PRPSAP1: variants seen among roughly 807,000 people sequenced by gnomAD.
PRPSAP1 encodes the protein phosphoribosyl pyrophosphate synthase-associated protein 1.
A neutral mutation model predicts 39.4 loss-of-function variants in PRPSAP1; 31 were observed. The ratio of observed to expected loss-of-function variants is 0.79; its 90% confidence interval spans 0.59 to 1.06. The LOEUF is 1.06. Among genes scored for constraint, PRPSAP1 ranks in the 50% least tolerant of loss-of-function variants. The pLI, the probability that PRPSAP1 is intolerant of heterozygous loss-of-function variation, is 0.00. For synonymous variants in PRPSAP1, 212 were observed against 192.6 expected (o/e 1.10, Z -0.83); for missense variants, 430 against 511.6 (o/e 0.84, Z 1.54).
intron 7 of PRPSAP1, among the ~76,000 whole-genome samples, chr17:76,322,273 G>A (rs2071206175): frequency 6.6e-6 from 1 of 152,100 alleles, no homozygotes; most frequent in Non-Finnish European, 1.5e-5. Context: ...GTGTACGCCT[G>A]TAATCCCAGC....
intron 3 of PRPSAP1, among the ~76,000 whole-genome samples, chr17:76,332,954 G>T (rs1467596331): frequency 6.6e-6 from 1 of 151,114 alleles, no homozygotes; most frequent in Non-Finnish European, 1.5e-5. Context: ...GCAGTGGCGC[G>T]ATCTCAGCTC....
intron 3 of PRPSAP1, among the ~76,000 whole-genome samples, chr17:76,340,376 C>CT (rs1464811808): frequency 6.6e-6 from 1 of 151,656 alleles, no homozygotes; most frequent in Non-Finnish European, 1.5e-5. Context: ...CTTCATGCTT[C>CT]TTTTGTCCCT....
rs1011933499 is a variant in PRPSAP1 at position 76,340,584 on chromosome 17, C to T, written c.290+4087G>A. 4.8e-4 allele frequency among the ~76,000 whole-genome samples: 73 copies of T among 151,834 alleles called. 2 individuals carry two copies. The highest frequency in any genetic ancestry group is 1.7e-3 in the African/African-American group (68 of 41,150). Reference sequence around the variant, plus strand: ...ACTAACAATATGCTGTTTCTATGCTCGACTAGTTTGAAATAACCATGAACG... The same window carrying T: ...ACTAACAATATGCTGTTTCTATGCTTGACTAGTTTGAAATAACCATGAACG... On this transcript the variant is annotated intron_variant, in intron 3 of 9. Coordinates refer to ENST00000446526, the MANE Select transcript of PRPSAP1 (RefSeq NM_002766.3).
At chr17:76,347,214 C>G (rs1026882475) in intron 2 of PRPSAP1, among the ~76,000 whole-genome samples, 1 of 151,502 alleles carries the variant, frequency 6.6e-6, no homozygotes, top group South Asian at 2.1e-4. Context: ...GGGCCGGGCG[C>G]GGTGGCTCAT....
rs1398966011 is a variant in PRPSAP1 at position 76,338,634 on chromosome 17, C to T, written c.290+6037G>A. ...AGGAGAATTGCTTGAACCCAGGAGG[C>T]AGAAGTTGCAGTAAGCCGAGATTGT... On this transcript the variant is annotated intron_variant, in intron 3 of 9. Transcript: ENST00000446526. Among the ~76,000 whole-genome samples the T allele has an allele frequency of 2.0e-5, 3 of 152,006 alleles. No individual in the cohort carries two copies. The East Asian group carries it at 5.8e-4, about 29-fold the overall frequency.
chr17:76,332,470 T>G lies in PRPSAP1; in HGVS notation c.291-35A>C. 3 of 1,609,702 alleles carry G rather than the reference T, an allele frequency of 1.9e-6. No homozygotes were observed. In the South Asian group the frequency reaches 3.3e-5, roughly 18 times the overall value. ...TCAAAGTTTGTATTTGGGGATTAAT[T>G]CCATGTATCAACCCTAGAAAAGATC... On this transcript the variant is annotated intron_variant, in intron 3 of 9. Transcript: ENST00000446526.
intron 1 of PRPSAP1, chr17:76,353,329 G>A (rs1598548384): frequency 1.8e-6 from 1 of 544,452 alleles, no homozygotes; most frequent in African/African-American, 2.0e-5. Context: ...TGAGGTCACC[G>A]AGAGTCCGCC....
At chr17:76,347,109 G>A (rs145264909) in intron 2 of PRPSAP1, among the ~76,000 whole-genome samples, 1 of 152,036 alleles carries the variant, frequency 6.6e-6, no homozygotes, top group East Asian at 1.9e-4. Context: ...AGAACGAGCA[G>A]CGCAGAAGGG....
At chr17:76,339,287 C>A (rs188495601) in intron 3 of PRPSAP1, among the ~76,000 whole-genome samples, 9 of 151,470 alleles carry the variant, frequency 5.9e-5, no homozygotes, top group Non-Finnish European at 1.3e-4. Flanking sequence ...CGCCTATAAT[C>A]CCAGCTACTC....
rs1032562191 is a variant in PRPSAP1 at position 76,344,322 on chromosome 17, G to A, written c.290+349C>T. The stretch of plus-strand genomic sequence containing the variant: ...TTTTTGTATTTTTTAGTGGAGACGG[G>A]GTTTCACCATGTTAGCCAGGATGGT... On this transcript the variant is annotated intron_variant, in intron 3 of 9. Coordinates refer to ENST00000446526, the MANE Select transcript of PRPSAP1 (RefSeq NM_002766.3). 5.9e-5 allele frequency among the ~76,000 whole-genome samples: 9 copies of A among 152,162 alleles called. No individual in the cohort carries two copies. The East Asian group carries it at 1.5e-3, about 26-fold the overall frequency.
rs191303929 is a variant in PRPSAP1, at chr17:76,340,142, T to C, written c.290+4529A>G. On this transcript the variant is annotated intron_variant, in intron 3 of 9. Transcript: ENST00000446526. ...GCCTGTGTGACAGAGCAAGGCCTTG[T>C]CTCAAAAAAAAAAAAAAAAAAAGAA... 6.1e-3 allele frequency among the ~76,000 whole-genome samples: 738 copies of C among 121,622 alleles called. 9 individuals are homozygous for C. The highest frequency in any genetic ancestry group is 0.036 in the Admixed American group (431 of 12,072). The allele number at this position is 121,622 out of a possible 152,430, so 79.8% of individuals were successfully genotyped here. A position where few individuals can be genotyped will look rare whatever the true frequency, so the allele number is the denominator to read the frequency against.
chr17:76,312,981 A>T lies in PRPSAP1; in HGVS notation c.888T>A (p.Ala296=), dbSNP rs771731348. The T allele has an allele frequency of 2.5e-6, 4 of 1,613,932 alleles. No individual in the cohort carries two copies. In the Admixed American group the frequency reaches 6.7e-5, roughly 27 times the overall value. ...CTCTCTCTTTCAGGATCTCCGCGGC[A>T]GCAACAAAACTCTCCACATCGTCAA... ...DIIDDVESFV[A]AAEILKERGA... is the part of the protein sequence containing the mutation. The change falls in exon 9 of 10, where the codon GCT becomes GCA. Residue 296 remains alanine (A), a synonymous_variant. Transcript: ENST00000446526.
intron 7 of PRPSAP1, among the ~76,000 whole-genome samples, chr17:76,321,845 C>T (rs1456605510): frequency 2.0e-5 from 3 of 151,748 alleles, no homozygotes; most frequent in African/African-American, 4.9e-5. Context: ...CTCCAGGGAA[C>T]ACACAAATGA....
chr17:76,337,853 C>A (rs1713404), intron 3 of PRPSAP1, among the ~76,000 whole-genome samples: 111,607 of 151,984 alleles, frequency 0.73, 41,464 homozygotes, highest in Non-Finnish European at 0.8. Context: ...GATCCACCTG[C>A]CTCGGCCTCC....
chr17:76,341,535 C>A (rs28688813), intron 3 of PRPSAP1, among the ~76,000 whole-genome samples: 1 of 152,102 alleles, frequency 6.6e-6, no homozygotes, highest in Non-Finnish European at 1.5e-5. Context: ...AGTCACTGTA[C>A]CTGGCCAACA....
chr17:76,353,881 C>T lies in PRPSAP1; in HGVS notation c.-178G>A. The T allele has an allele frequency of 7.6e-7, 1 of 1,311,562 alleles. No individual in the cohort carries two copies. The highest frequency in any genetic ancestry group is 9.7e-7 in the Non-Finnish European group (1 of 1,034,334). 81.2% of individuals were successfully genotyped at this position (1,311,562 alleles called of 1,614,324 possible). A position where few individuals can be genotyped will look rare whatever the true frequency, so the allele number is the denominator to read the frequency against. On this transcript the variant is annotated 5_prime_UTR_variant, in exon 1 of 10. Transcript: ENST00000446526. ...CCACTGACTACAGCGGCCGAGCCTT[C>T]GCAGCGCCCGGCGCCGCCGCCTCAG...
chr17:76,345,954 A>G, intron 2 of PRPSAP1: 1 of 467,720 alleles, frequency 2.1e-6, no homozygotes, highest in Non-Finnish European at 4.2e-6. Flanking sequence ...CCAAAGCCAG[A>G]GCCCAGGCCT....
At chr17:76,335,256 G>A (rs2143511851) in intron 3 of PRPSAP1, among the ~76,000 whole-genome samples, 1 of 152,038 alleles carries the variant, frequency 6.6e-6, no homozygotes, top group South Asian at 2.1e-4. Context: ...GGCTGGCTGT[G>A]GCTTCATAAA....
intron 3 of PRPSAP1, among the ~76,000 whole-genome samples, chr17:76,340,610 G>C (rs1409376247): frequency 6.7e-6 from 1 of 149,596 alleles, no homozygotes; most frequent in East Asian, 1.9e-4. Flanking sequence ...ACCATGAACG[G>C]CCTCGCACGG....
Sources: gnomAD v4.1 joint callset for allele counts (sites outside exome capture counted in the v4.1 genomes callset) on GRCh38, gnomAD v4.1.1 for gene constraint, MANE v1.5 for transcripts, NCBI Gene and HGNC (gene_info 2026-07-23, HGNC 2026-07-21) for gene names.